The following IFT80 variants were observed in gnomAD, a reference collection of about 807,000 sequenced individuals.
IFT80 encodes the protein intraflagellar transport 80.
IFT80 carries 79 observed loss-of-function variants against 107.9 expected under a neutral mutation model. The ratio of observed to expected loss-of-function variants is 0.73; its 90% confidence interval spans 0.61 to 0.88. The LOEUF is 0.88. Among genes scored for constraint, IFT80 ranks in the 40% least tolerant of loss-of-function variants. The pLI is 0.00. For missense variants in IFT80, 797 were observed against 914.2 expected, an observed-to-expected ratio of 0.87 and a Z score of 1.65; for synonymous variants, 299 against 300.9, an observed-to-expected ratio of 0.99 and a Z score of 0.07.
chr3:160,375,024 G>C (rs1711893094), intron 5 of IFT80, among the ~76,000 whole-genome samples: 1 of 152,004 alleles, frequency 6.6e-6, no homozygotes, highest in Non-Finnish European at 1.5e-5. Flanking sequence ...AAGTAAACAT[G>C]GTTTTAAAAA....
At chr3:160,353,130 G>A (rs1720834331) in intron 8 of IFT80, among the ~76,000 whole-genome samples, 1 of 152,102 alleles carries the variant, frequency 6.6e-6, no homozygotes, top group Non-Finnish European at 1.5e-5. Flanking sequence ...CCTCACCTTT[G>A]TTTATTCTAT....
At chr3:160,325,664 A>G (rs931662893) in intron 8 of IFT80, among the ~76,000 whole-genome samples, 1 of 152,154 alleles carries the variant, frequency 6.6e-6, no homozygotes, top group African/African-American at 2.4e-5. Context: ...TTGCATATAC[A>G]TAAAAAGATA....
At chr3:160,299,490 AAC>A (rs1392284099) in intron 12 of IFT80, among the ~76,000 whole-genome samples, 1 of 152,160 alleles carries the variant, frequency 6.6e-6, no homozygotes, top group Non-Finnish European at 1.5e-5. Context: ...AACAGAGAGA[AAC>A]AGTTATTTAA....
chr3:160,366,636 C>T (rs1315397905), intron 5 of IFT80, among the ~76,000 whole-genome samples: 1 of 151,992 alleles, frequency 6.6e-6, no homozygotes, highest in Non-Finnish European at 1.5e-5. Context: ...GGCTTGGCTG[C>T]ACATTGTAAT....
At chr3:160,296,048 A>G (rs1715956756) in intron 12 of IFT80, among the ~76,000 whole-genome samples, 1 of 152,198 alleles carries the variant, frequency 6.6e-6, no homozygotes, top group African/African-American at 2.4e-5. Flanking sequence ...GTAACACAAG[A>G]TGAATTAAGT....
chr3:160,322,669 C>T (rs1718338363), intron 8 of IFT80, among the ~76,000 whole-genome samples: 1 of 152,002 alleles, frequency 6.6e-6, no homozygotes, highest in Admixed American at 6.6e-5. Flanking sequence ...AAAAGTGTTC[C>T]TATTTCTCCA....
chr3:160,390,137 G>A (rs2108418283), intron 1 of IFT80, among the ~76,000 whole-genome samples: 1 of 152,246 alleles, frequency 6.6e-6, no homozygotes, highest in East Asian at 1.9e-4. Flanking sequence ...AGTTTCCAGG[G>A]ACAGGCATGG....
In IFT80 at chr3:160,258,184, A is replaced by G. The variant is rs917056404; in HGVS notation, c.*341T>C. On this transcript the variant is annotated 3_prime_UTR_variant, in exon 20 of 20. Coordinates refer to ENST00000326448, the MANE Select transcript of IFT80 (RefSeq NM_020800.3). ...AGAAATTAATGGTAACATACATTTC[A>G]AAGAGTCCAATGTTTTATTATCGAC... is the stretch of plus-strand genomic sequence containing the variant. 7.2e-5 allele frequency: 19 copies of G among 263,082 alleles called. No homozygotes were observed. Among genetic ancestry groups the G allele is most frequent in the Non-Finnish European group, 1.0e-4 (14 of 137,266 alleles). The allele number at this position is 263,082 out of a possible 1,614,324, so 16.3% of individuals were successfully genotyped here.
At chr3:160,384,345 CGTCA>C in intron 2 of IFT80, 2 of 1,099,196 alleles carry the variant, frequency 1.8e-6, no homozygotes, top group Non-Finnish European at 1.1e-6. Flanking sequence ...GTAAGAAAAA[CGTCA>C]GTAAGAATTT....
intron 3 of IFT80, among the ~76,000 whole-genome samples, chr3:160,380,819 T>A (rs1712428740): frequency 6.6e-6 from 1 of 152,178 alleles, no homozygotes; most frequent in African/African-American, 2.4e-5. Flanking sequence ...AGTATGTATT[T>A]TAACAGATAC....
chr3:160,318,343 T>G (rs1326476824), intron 9 of IFT80, among the ~76,000 whole-genome samples: 1 of 152,022 alleles, frequency 6.6e-6, no homozygotes, highest in Non-Finnish European at 1.5e-5. Flanking sequence ...TAACAGAATA[T>G]TTGAATAGAC....
rs1368520997 is a variant in IFT80, at chr3:160,320,062, A to G, written c.778-123T>C. The stretch of plus-strand genomic sequence containing the variant: ...AAAGAATGTCTATTCTGGAATTATT[A>G]TTTTTCTTAATAAAATTATAGTGTA... On this transcript the variant is annotated intron_variant, in intron 8 of 19. Transcript: ENST00000326448. 1.7e-5 allele frequency: 12 copies of G among 706,182 alleles called. No individual in the cohort carries two copies. In the East Asian group the frequency reaches 3.0e-4, roughly 17 times the overall value. The allele number at this position is 706,182 out of a possible 1,614,324, so 43.7% of individuals were successfully genotyped here. A position where few individuals can be genotyped will look rare whatever the true frequency, so the allele number is the denominator to read the frequency against.
intron 8 of IFT80, among the ~76,000 whole-genome samples, chr3:160,337,011 C>A (rs1016338634): frequency 6.6e-6 from 1 of 152,052 alleles, no homozygotes; most frequent in Non-Finnish European, 1.5e-5. Context: ...AAGTAATAAC[C>A]CTTTTATTAC....
At chr3:160,283,578 A>G (rs76646491) in intron 13 of IFT80, among the ~76,000 whole-genome samples, 5,390 of 152,284 alleles carry the variant, frequency 0.035, 333 homozygotes, top group African/African-American at 0.12. Context: ...TTGGTTTCAT[A>G]TATATCAAGG....
chr3:160,387,628 T>A (rs1713041515), intron 1 of IFT80, among the ~76,000 whole-genome samples: 1 of 152,170 alleles, frequency 6.6e-6, no homozygotes, highest in Non-Finnish European at 1.5e-5. Context: ...TATCAAACAT[T>A]CTGTTTTGGA....
In IFT80 at chr3:160,388,116, G is replaced by A. The variant is rs150015619; in HGVS notation, c.-46-3470C>T. Among the ~76,000 whole-genome samples, 23 of 152,038 alleles carry A rather than the reference G, an allele frequency of 1.5e-4. No individual in the cohort carries two copies. The East Asian group carries it at 4.1e-3, about 27-fold the overall frequency. Reference sequence around the variant, plus strand: ...GTAGTAGAGATAAGGACAATTAGCCGCATGCTAAAATATTCATTGAATGAG... The same window carrying A: ...GTAGTAGAGATAAGGACAATTAGCCACATGCTAAAATATTCATTGAATGAG... On this transcript the variant is annotated intron_variant, in intron 1 of 19. Transcript: ENST00000326448.
intron 8 of IFT80, among the ~76,000 whole-genome samples, chr3:160,326,733 G>A (rs1718701664): frequency 6.6e-6 from 1 of 151,974 alleles, no homozygotes; most frequent in South Asian, 2.1e-4. Flanking sequence ...GGCAAAAGCT[G>A]GAAGCATTCA....
chr3:160,357,432 C>T (rs1010159879), intron 7 of IFT80, 57 bp downstream of exon 7: 3 of 933,060 alleles, frequency 3.2e-6, no homozygotes, highest in African/African-American at 3.3e-5. Context: ...TTCTTATATG[C>T]TAAGTACTTA....
At position 160,285,871 on chromosome 3, in the gene IFT80, TG is replaced by T. The variant is rs758421505; in HGVS notation, c.1316-4del. 6 of 1,605,800 alleles carry T rather than the reference TG, an allele frequency of 3.7e-6. No homozygotes were observed. The Admixed American group carries it at 1.0e-4, about 27-fold the overall frequency. On this transcript the variant is annotated splice_polypyrimidine_tract_variant and splice_region_variant and intron_variant, in intron 12 of 19. Coordinates refer to ENST00000326448, the MANE Select transcript of IFT80 (RefSeq NM_020800.3). ...TGATGCCTCAAAGAGGAAGATTACT[TG>T]AAAAAAAGTAGAACATTAATTAATG...
Sources: gnomAD v4.1 joint callset for allele counts (sites outside exome capture counted in the v4.1 genomes callset) on GRCh38, gnomAD v4.1.1 for gene constraint, MANE v1.5 for transcripts, NCBI Gene and HGNC (gene_info 2026-07-23, HGNC 2026-07-21) for gene names.